The following TOR3A variants were observed in gnomAD, a reference collection of about 807,000 sequenced individuals.
TOR3A encodes torsin family 3 member A, also known as torsin-3A.
Under a neutral mutation model 42.1 loss-of-function variants are expected in TOR3A, and 44 were observed. The ratio of observed to expected loss-of-function variants is 1.04; its 90% CI spans 0.82 to 1.34. The LOEUF (loss-of-function observed/expected upper bound fraction) is 1.34. TOR3A is among the 40% of genes most tolerant of loss of function. The probability of loss-of-function intolerance (pLI) is 0.00; values close to 1 mark genes in which losing one functional copy is unlikely to be tolerated. For synonymous variants in TOR3A, 227 were observed against 213.2 expected, an observed-to-expected ratio of 1.06 and a Z score of -0.57; for missense variants, 521 against 507.6, an observed-to-expected ratio of 1.03 and a Z score of -0.25.
Position 179,095,377 on chromosome 1 carries a change from A to G in TOR3A, c.*159A>G. The stretch of plus-strand genomic sequence containing the variant: ...AACTGGTGTGTAAAAGGCAGGCCTT[A>G]CATTAGAAGCCAAGCCAATCCTTTT... On this transcript the variant is annotated 3_prime_UTR_variant, in exon 6 of 6. Coordinates refer to ENST00000367627, the MANE Select transcript of TOR3A (RefSeq NM_022371.4). 7 of 1,485,808 alleles carry G rather than the reference A, an allele frequency of 4.7e-6. No individual in the cohort carries two copies. Among genetic ancestry groups the G allele is most frequent in the Non-Finnish European group, 5.3e-6 (6 of 1,126,940 alleles). 92.0% of individuals were successfully genotyped at this position (1,485,808 alleles called of 1,614,324 possible). A position where few individuals can be genotyped will look rare whatever the true frequency, so the allele number is the denominator to read the frequency against.
At chr1:179,084,833 G>C (rs1482791248) in intron 2 of TOR3A, among the ~76,000 whole-genome samples, 1 of 152,194 alleles carries the variant, frequency 6.6e-6, no homozygotes, top group African/African-American at 2.4e-5. Flanking sequence ...TCCTGGTAGC[G>C]CCATCTCCAA....
chr1:179,088,938 G>C (rs888289417), intron 4 of TOR3A, among the ~76,000 whole-genome samples: 1 of 152,134 alleles, frequency 6.6e-6, no homozygotes, highest in African/African-American at 2.4e-5. Context: ...ACTCCACTCC[G>C]GCCTCGCCTT....
chr1:179,085,434 A>G lies in TOR3A; in HGVS notation c.374-194A>G, dbSNP rs576290942. On this transcript the variant is annotated intron_variant, in intron 2 of 5. Coordinates refer to ENST00000367627, the MANE Select transcript of TOR3A (RefSeq NM_022371.4). ...CAAGACTCCATCTCAAAAAAAAAAAAAAAAAGAAAGTAGTCCTTGAATCCC... is the reference window on the plus strand; with the variant it reads ...CAAGACTCCATCTCAAAAAAAAAAAGAAAAAGAAAGTAGTCCTTGAATCCC... The G allele has an allele frequency of 3.6e-4, 249 of 691,308 alleles. 1 individual carries two copies. The highest frequency in any genetic ancestry group is 9.1e-4 in the Admixed American group (35 of 38,432). The allele number at this position is 691,308 out of a possible 1,614,324, so 42.8% of individuals were successfully genotyped here. A position where few individuals can be genotyped will look rare whatever the true frequency, so the allele number is the denominator to read the frequency against.
intron 2 of TOR3A, among the ~76,000 whole-genome samples, chr1:179,083,304 A>G (rs991524114): frequency 8.6e-5 from 13 of 150,566 alleles, no homozygotes; most frequent in African/African-American, 2.7e-4. Context: ...GTTTCACTCT[A>G]AACAGAAACA....
chr1:179,085,455 A>T lies in TOR3A; in HGVS notation c.374-173A>T, dbSNP rs1389944755. On this transcript the variant is annotated intron_variant, in intron 2 of 5. Coordinates refer to ENST00000367627, the MANE Select transcript of TOR3A (RefSeq NM_022371.4). ...AAAAAAAAAAGAAAGTAGTCCTTGAATCCCTTCTGCTACAAAGTCTGCCCT... is the reference window on the plus strand; with the variant it reads ...AAAAAAAAAAGAAAGTAGTCCTTGATTCCCTTCTGCTACAAAGTCTGCCCT... 5 of 753,322 alleles carry T rather than the reference A, an allele frequency of 6.6e-6. No homozygotes were observed. The African/African-American group carries it at 8.8e-5, about 13-fold the overall frequency. 46.7% of individuals were successfully genotyped at this position (753,322 alleles called of 1,614,324 possible).
rs756375141 is a variant in TOR3A, at chr1:179,094,099, C to T, written c.825C>T (p.Leu275=). Residue 275 remains leucine, a synonymous_variant, in exon 5 of 6, where the codon CTC becomes CTT. Transcript: ENST00000367627. Reference sequence around the variant, plus strand: ...AAGCTCTTGTCTCTTTCAGTAATCTCAGGGGCGATATAATCAATGAGGTGG... The same window carrying T: ...AAGCTCTTGTCTCTTTCAGTAATCTTAGGGGCGATATAATCAATGAGGTGG... ...PWTIFLFLSN[L]RGDIINEVVL... is the part of the protein sequence containing the mutation. 4 of 1,613,122 alleles carry T rather than the reference C, an allele frequency of 2.5e-6. No homozygotes were observed. The highest frequency in any genetic ancestry group is 3.4e-6 in the Non-Finnish European group (4 of 1,179,716).
At position 179,085,902 on chromosome 1, in the gene TOR3A, G is replaced by A. The variant is rs748002973; in HGVS notation, c.639+9G>A. ...ATGTGGACCTGTACAAGGTGAGGCC[G>A]ACCAGGGCTGGGGTGAGGCCTCTGT... On this transcript the variant is annotated intron_variant, in intron 3 of 5. Coordinates refer to ENST00000367627, the MANE Select transcript of TOR3A (RefSeq NM_022371.4). 6.2e-6 allele frequency: 10 copies of A among 1,611,752 alleles called. No homozygotes were observed. Among genetic ancestry groups the A allele is most frequent in the Admixed American group, 1.7e-5 (1 of 59,984 alleles).
intron 3 of TOR3A, among the ~76,000 whole-genome samples, chr1:179,087,324 G>C (rs1652460025): frequency 6.6e-6 from 1 of 152,192 alleles, no homozygotes; most frequent in South Asian, 2.1e-4. Flanking sequence ...TTGCTCCCCT[G>C]AGATCTCGGC....
Position 179,085,608 on chromosome 1 carries a change from T to A in TOR3A, c.374-20T>A. On this transcript the variant is annotated intron_variant, in intron 2 of 5. Coordinates refer to ENST00000367627, the MANE Select transcript of TOR3A (RefSeq NM_022371.4). ...GCCTGTGTGTGCCTTTTGCTGTGAC[T>A]ACCTCTTTCCTGTCCTTAGGCTTAG... 1 of 1,610,226 alleles carries A rather than the reference T, an allele frequency of 6.2e-7. No homozygotes were observed. The highest frequency in any genetic ancestry group is 8.5e-7 in the Non-Finnish European group (1 of 1,176,702).
At chr1:179,090,723 G>A (rs1174598475) in intron 4 of TOR3A, among the ~76,000 whole-genome samples, 2 of 152,122 alleles carry the variant, frequency 1.3e-5, no homozygotes, top group South Asian at 2.1e-4. Flanking sequence ...TGGGCACCAG[G>A]AAAGTAACAT....
chr1:179,082,535 A>C, intron 1 of TOR3A, 148 bp downstream of exon 1: 1 of 1,268,764 alleles, frequency 7.9e-7, no homozygotes, highest in Non-Finnish European at 1.1e-6. Flanking sequence ...GGGCGGGGGC[A>C]GCCTCCGCGG....
At position 179,095,158 on chromosome 1, in the gene TOR3A, A is replaced by G; in HGVS notation, c.1134A>G (p.Gln378=). ...TGGTGTATGTCCCCAAGGAGGAACA[A>G]CTCTTTTCTTCCCAGGGCTGCAAGT... The part of the protein sequence containing the change: ...QMMVYVPKEE[Q]LFSSQGCKSI... The change falls in exon 6 of 6, where the codon CAA becomes CAG. Residue 378 remains glutamine (Q), a synonymous_variant. Coordinates refer to ENST00000367627, the MANE Select transcript of TOR3A (RefSeq NM_022371.4). The G allele has an allele frequency of 6.2e-7, 1 of 1,613,954 alleles. No individual in the cohort carries two copies. Among genetic ancestry groups the G allele is most frequent in the Non-Finnish European group, 8.5e-7 (1 of 1,179,984 alleles).
At chr1:179,085,175 C>A (rs996601538) in intron 2 of TOR3A, among the ~76,000 whole-genome samples, 12 of 152,192 alleles carry the variant, frequency 7.9e-5, no homozygotes, top group Admixed American at 5.9e-4. Context: ...GCCTGTAATC[C>A]CAGCACTTTG....
At position 179,095,907 on chromosome 1, in the gene TOR3A, G is replaced by A; in HGVS notation, c.*689G>A. The A allele has an allele frequency of 2.0e-6, 2 of 984,880 alleles. No homozygotes were observed. Among genetic ancestry groups the A allele is most frequent in the Non-Finnish European group, 2.4e-6 (2 of 829,948 alleles). 61.0% of individuals were successfully genotyped at this position (984,880 alleles called of 1,614,324 possible). ...TTATGGTCTACAGATTTTGGCGGGG[G>A]AGGGGGGACCTTTTCAAAGACAATA... is the stretch of plus-strand genomic sequence containing the variant. On this transcript the variant is annotated 3_prime_UTR_variant, in exon 6 of 6. Transcript: ENST00000367627.
At chr1:179,094,466 C>A (rs555463701) in intron 5 of TOR3A, among the ~76,000 whole-genome samples, 30 of 152,300 alleles carry the variant, frequency 2.0e-4, no homozygotes, top group Non-Finnish European at 3.5e-4. Flanking sequence ...GTCTCTGAAG[C>A]CTGAGACTCT....
intron 4 of TOR3A, 104 bp from the exon 5 acceptor site, chr1:179,093,989 A>C (rs1487507520): frequency 7.0e-7 from 1 of 1,425,186 alleles, no homozygotes; most frequent in Non-Finnish European, 9.5e-7. Context: ...CACGCCCCTC[A>C]GCCTCTATTC....
intron 4 of TOR3A, among the ~76,000 whole-genome samples, chr1:179,090,126 G>A (rs1258068474): frequency 2.6e-5 from 4 of 151,510 alleles, no homozygotes; most frequent in Non-Finnish European, 5.9e-5. Flanking sequence ...GGGGGGGCCT[G>A]CGGGAAAGCC....
chr1:179,094,339 T>C, intron 5 of TOR3A, 122 bp downstream of exon 5: 1 of 1,256,780 alleles, frequency 8.0e-7, no homozygotes, highest in Non-Finnish European at 1.1e-6. Context: ...CAGACTATAA[T>C]CATCTCACAT....
chr1:179,085,433 A>AG (rs1652402346), intron 2 of TOR3A, 195 bp from the exon 3 acceptor site: 1 of 685,478 alleles, frequency 1.5e-6, no homozygotes, highest in African/African-American at 1.8e-5. Flanking sequence ...AAAAAAAAAA[A>AG]AAAAAAGAAA....
Sources: allele counts gnomAD v4.1 joint callset (sites outside exome capture counted in the v4.1 genomes callset), GRCh38; gene constraint gnomAD v4.1.1; transcripts MANE v1.5; gene names NCBI Gene and HGNC (gene_info 2026-07-23, HGNC 2026-07-21).